ANKS1B: variants seen among roughly 807,000 people sequenced by gnomAD.
ANKS1B encodes ankyrin repeat and sterile alpha motif domain-containing protein 1B.
ANKS1B carries 36 observed loss-of-function variants against 148.3 expected under a neutral mutation model. The observed-to-expected ratio is 0.24, with a 90% CI of 0.19 to 0.32. ANKS1B has a LOEUF of 0.32. ANKS1B is among the 10% of genes least tolerant of loss of function. The pLI, the probability that ANKS1B is intolerant of heterozygous loss-of-function variation, is 1.00. For synonymous variants in ANKS1B, 542 were observed against 560.8 expected (o/e 0.97, Z 0.47); for missense variants, 1,157 against 1,542.6 (o/e 0.75, Z 4.19).
chr12:99,262,870 T>C (rs2153983432), intron 12 of ANKS1B, among the ~76,000 whole-genome samples: 1 of 152,240 alleles, frequency 6.6e-6, no homozygotes, highest in Middle Eastern at 3.4e-3. Context: ...GGGGAATGTG[T>C]GTGTGTGTGT....
At chr12:99,242,801 C>T (rs541720376) in intron 14 of ANKS1B, among the ~76,000 whole-genome samples, 2 of 152,240 alleles carry the variant, frequency 1.3e-5, no homozygotes, top group South Asian at 4.2e-4. Flanking sequence ...GAAAGGATTC[C>T]CTATTTAATA....
intron 8 of ANKS1B, among the ~76,000 whole-genome samples, chr12:99,711,317 C>CAT (rs2056605115): frequency 6.6e-6 from 1 of 151,988 alleles, no homozygotes. Flanking sequence ...GTTCATGGTT[C>CAT]ATATGCAAGT....
chr12:99,389,344 CA>C (rs1230763973), intron 12 of ANKS1B, among the ~76,000 whole-genome samples: 2 of 152,128 alleles, frequency 1.3e-5, no homozygotes, highest in African/African-American at 4.8e-5. Flanking sequence ...ATGTTCTCCC[CA>C]AAGAAGACTG....
chr12:98,897,221 A>C (rs1044029852), intron 17 of ANKS1B, among the ~76,000 whole-genome samples: 1 of 152,158 alleles, frequency 6.6e-6, no homozygotes, highest in Non-Finnish European at 1.5e-5. Context: ...TCATACTCTA[A>C]ATACTGGAAT....
chr12:99,119,135 T>A lies in ANKS1B; in HGVS notation c.2527-34112A>T, dbSNP rs77773128. Among the ~76,000 whole-genome samples the A allele has an allele frequency of 4.0e-3, 609 of 152,228 alleles. 22 individuals carry two copies. The East Asian group carries it at 0.084, about 21-fold the overall frequency. Reference sequence around the variant, plus strand: ...GGATCCTGAGATGGGGAGATTACCATGGATTATCTGGATGGGCCCTAAATA... The same window carrying A: ...GGATCCTGAGATGGGGAGATTACCAAGGATTATCTGGATGGGCCCTAAATA... On this transcript the variant is annotated intron_variant, in intron 15 of 26. Coordinates refer to ENST00000683438, the MANE Select transcript of ANKS1B (RefSeq NM_001352186.2).
intron 1 of ANKS1B, among the ~76,000 whole-genome samples, chr12:99,957,101 T>C (rs767412145): frequency 1.3e-5 from 2 of 152,170 alleles, no homozygotes; most frequent in Non-Finnish European, 2.9e-5. Context: ...CCAAATGCAA[T>C]TGAGGAAAAT....
At chr12:99,285,719 C>T (rs2079041820) in intron 12 of ANKS1B, among the ~76,000 whole-genome samples, 1 of 151,998 alleles carries the variant, frequency 6.6e-6, no homozygotes, top group Admixed American at 6.6e-5. Context: ...CTGGCAGTGA[C>T]TGTGTGGCAT....
At chr12:99,549,864 G>A (rs2097202563) in intron 9 of ANKS1B, among the ~76,000 whole-genome samples, 1 of 152,194 alleles carries the variant, frequency 6.6e-6, no homozygotes, top group South Asian at 2.1e-4. Flanking sequence ...TGCTGGATAA[G>A]TCCCAGGCCT....
intron 14 of ANKS1B, among the ~76,000 whole-genome samples, chr12:99,195,808 AT>A (rs113241848): frequency 8.5e-5 from 13 of 152,220 alleles, no homozygotes; most frequent in African/African-American, 2.4e-4. Flanking sequence ...GCAATTGGTA[AT>A]TTAAAAAAAT....
chr12:99,154,838 C>T (rs2075808581), intron 14 of ANKS1B: 2 of 1,525,436 alleles, frequency 1.3e-6, no homozygotes, highest in Admixed American at 2.0e-5. Flanking sequence ...ATGCTCCTTG[C>T]TCCCCCTCGC....
intron 8 of ANKS1B, among the ~76,000 whole-genome samples, chr12:99,718,118 T>C (rs939797915): frequency 1.3e-5 from 2 of 151,880 alleles, no homozygotes; most frequent in South Asian, 2.1e-4. Flanking sequence ...TTAGCCAGGA[T>C]GGTCTCGATC....
At chr12:99,277,721 G>A (rs1330437752) in intron 12 of ANKS1B, among the ~76,000 whole-genome samples, 1 of 152,136 alleles carries the variant, frequency 6.6e-6, no homozygotes, top group Non-Finnish European at 1.5e-5. Context: ...CTTTTGAACT[G>A]GTATGAGTCA....
At chr12:99,829,748 T>C (rs2083693177) in intron 1 of ANKS1B, among the ~76,000 whole-genome samples, 1 of 152,136 alleles carries the variant, frequency 6.6e-6, no homozygotes, top group Admixed American at 6.5e-5. Context: ...GAGAAATGCT[T>C]GAACCTGGGA....
At chr12:99,119,435 C>T (rs1342426350) in intron 15 of ANKS1B, among the ~76,000 whole-genome samples, 6 of 152,058 alleles carry the variant, frequency 3.9e-5, no homozygotes, top group Non-Finnish European at 8.8e-5. Flanking sequence ...TTTTTTTTAG[C>T]CAGCAAGTTC....
intron 17 of ANKS1B, among the ~76,000 whole-genome samples, chr12:98,874,288 C>T (rs996166812): frequency 1.3e-5 from 2 of 151,620 alleles, no homozygotes; most frequent in South Asian, 2.1e-4. Flanking sequence ...AATAAGAAGC[C>T]GAGCTTTATG....
chr12:98,796,307 T>A (rs1417014529), intron 22 of ANKS1B, among the ~76,000 whole-genome samples: 1 of 152,192 alleles, frequency 6.6e-6, no homozygotes, highest in Non-Finnish European at 1.5e-5. Flanking sequence ...ATTAAAAGAA[T>A]AAACAGGTAA....
At chr12:99,031,754 C>G (rs1014594913) in intron 17 of ANKS1B, among the ~76,000 whole-genome samples, 1 of 152,194 alleles carries the variant, frequency 6.6e-6, no homozygotes, top group African/African-American at 2.4e-5. Flanking sequence ...CAGAAAGGCT[C>G]TGGTCCTAAA....
rs765744894 is a variant in ANKS1B at position 99,806,653 on chromosome 12, G to A, written c.420C>T (p.His140=). The A allele has an allele frequency of 4.3e-6, 7 of 1,613,960 alleles. No homozygotes were observed. The highest frequency in any genetic ancestry group is 5.9e-6 in the Non-Finnish European group (7 of 1,179,862). The change falls in exon 4 of 27, where the codon CAC becomes CAT. Residue 140 remains histidine, a synonymous_variant. Coordinates refer to ENST00000683438, the MANE Select transcript of ANKS1B (RefSeq NM_001352186.2). ...CTAGGAGAACAGCAACTACTTCTGA[G>A]TGTCCATATTGAGCTGCACAGTGTA... ...TALHCAAQYG[H]SEVVAVLLEE... is the part of the protein sequence containing the mutation.
At chr12:99,765,462 T>C (rs1257113413) in intron 8 of ANKS1B, among the ~76,000 whole-genome samples, 1 of 152,196 alleles carries the variant, frequency 6.6e-6, no homozygotes, top group African/African-American at 2.4e-5. Flanking sequence ...TCCCCCACCT[T>C]GTATTTATAC....
Sources: gnomAD v4.1 joint callset for allele counts (sites outside exome capture counted in the v4.1 genomes callset) on GRCh38, gnomAD v4.1.1 for gene constraint, MANE v1.5 for transcripts, NCBI Gene and HGNC (gene_info 2026-07-23, HGNC 2026-07-21) for gene names.